The following MCTP1 variants were observed in gnomAD, a reference collection of about 807,000 sequenced individuals.
MCTP1 encodes multiple C2 and transmembrane domain containing 1.
MCTP1 carries 69 observed loss-of-function variants against 120.6 expected under a neutral mutation model. The observed-to-expected ratio is 0.57, with a 90% CI of 0.47 to 0.70. The LOEUF (loss-of-function observed/expected upper bound fraction) is 0.70, where lower values mean the gene tolerates loss of function less well. Among genes scored for constraint, MCTP1 ranks in the 30% least tolerant of loss-of-function variants. The pLI is 0.00. For synonymous variants in MCTP1, 529 were observed against 493.1 expected, an observed-to-expected ratio of 1.07 and a Z score of -0.96; for missense variants, 1,203 against 1,248.8, an observed-to-expected ratio of 0.96 and a Z score of 0.55.
intron 1 of MCTP1, among the ~76,000 whole-genome samples, chr5:95,107,300 GGGGGACATA>G (rs1305377234): frequency 6.6e-6 from 1 of 152,116 alleles, no homozygotes; most frequent in African/African-American, 2.4e-5. Context: ...CGGGTACTCT[GGGGGACATA>G]GTACTGAAAT....
At chr5:94,789,951 C>T (rs552142842) in intron 18 of MCTP1, among the ~76,000 whole-genome samples, 1 of 152,160 alleles carries the variant, frequency 6.6e-6, no homozygotes, top group Admixed American at 6.5e-5. Context: ...TTTTGAGTAA[C>T]TCAGAGCAAA....
intron 2 of MCTP1, among the ~76,000 whole-genome samples, chr5:94,954,133 T>C (rs1243809711): frequency 4.3e-5 from 2 of 46,862 alleles, no homozygotes. Flanking sequence ...CAAATATATA[T>C]ATGCATATAT....
rs766963057 is a variant in MCTP1 at position 94,707,555 on chromosome 5, C to T, written c.2941G>A (p.Glu981Lys). Residue 981 changes from glutamate (E) to lysine (K), a missense_variant, in exon 23 of 23, where the codon GAA becomes AAA. Physicochemically the swap from Glu to Lys is moderately conservative, Grantham distance 56. Transcript: ENST00000515393. ...PSDVQVVQYQ[E>K]LKPDPSHSPY... is the part of the protein sequence containing the mutation. ...CTATGAGAAGGATCTGGTTTCAGTT[C>T]TTGGTATTGCACCTGTTTAAACAGA... 2 of 1,611,440 alleles carry T rather than the reference C, an allele frequency of 1.2e-6. No individual in the cohort carries two copies. The highest frequency in any genetic ancestry group is 1.7e-6 in the Non-Finnish European group (2 of 1,178,260).
intron 1 of MCTP1, among the ~76,000 whole-genome samples, chr5:95,181,966 C>T (rs1748647021): frequency 6.6e-6 from 1 of 152,024 alleles, no homozygotes; most frequent in Admixed American, 6.6e-5. Context: ...TTTATGAAAA[C>T]GGGTCACTGA....
chr5:94,775,928 T>G (rs961794601), intron 19 of MCTP1, among the ~76,000 whole-genome samples: 9 of 147,196 alleles, frequency 6.1e-5, no homozygotes, highest in African/African-American at 1.7e-4. Context: ...ATATATCATA[T>G]AAATATATTA....
At chr5:95,049,997 C>A (rs1222393309) in intron 1 of MCTP1, among the ~76,000 whole-genome samples, 1 of 151,970 alleles carries the variant, frequency 6.6e-6, no homozygotes, top group Non-Finnish European at 1.5e-5. Flanking sequence ...GATTGGTGGG[C>A]AGGTAGGACC....
intron 21 of MCTP1, chr5:94,709,406 T>TAGTC (rs1755940413): frequency 6.6e-6 from 1 of 152,096 alleles, no homozygotes; most frequent in South Asian, 2.1e-4. Flanking sequence ...TTAAGACAGC[T>TAGTC]AGTCAGTGAG....
intron 1 of MCTP1, among the ~76,000 whole-genome samples, chr5:95,039,749 G>A (rs1054566365): frequency 7.2e-5 from 11 of 152,018 alleles, no homozygotes; most frequent in Non-Finnish European, 1.0e-4. Flanking sequence ...AAAAGTTGAC[G>A]TAGGAGCTAA....
chr5:95,065,578 A>C (rs985872191), intron 1 of MCTP1, among the ~76,000 whole-genome samples: 6 of 152,212 alleles, frequency 3.9e-5, no homozygotes, highest in Admixed American at 3.3e-4. Context: ...TTTTAAGAAA[A>C]TCTAGCAAGG....
intron 4 of MCTP1, among the ~76,000 whole-genome samples, chr5:94,940,520 A>T (rs1817337886): frequency 6.8e-6 from 1 of 147,952 alleles, no homozygotes; most frequent in South Asian, 2.1e-4. Flanking sequence ...CGCCATACAT[A>T]TACACAAGTG....
At chr5:94,999,939 A>G (rs1833345038) in intron 2 of MCTP1, among the ~76,000 whole-genome samples, 1 of 152,180 alleles carries the variant, frequency 6.6e-6, no homozygotes, top group Non-Finnish European at 1.5e-5. Flanking sequence ...AAGTGTGAAG[A>G]CCATATACAA....
intron 18 of MCTP1, among the ~76,000 whole-genome samples, chr5:94,784,243 AAC>A (rs1777155867): frequency 6.6e-6 from 1 of 152,048 alleles, no homozygotes. Context: ...AGTATTCTTC[AAC>A]ACAGTCTGGA....
chr5:95,182,584 TA>T (rs929295129), intron 1 of MCTP1, among the ~76,000 whole-genome samples: 2 of 152,244 alleles, frequency 1.3e-5, no homozygotes, highest in African/African-American at 4.8e-5. Context: ...TATGGAACAA[TA>T]GTAATATTTT....
rs374028450 is a variant in MCTP1 at position 95,090,465 on chromosome 5, C to T, written c.721-72981G>A. Among the ~76,000 whole-genome samples, 4 of 152,236 alleles carry T rather than the reference C, an allele frequency of 2.6e-5. No homozygotes were observed. The East Asian group carries it at 5.8e-4, about 22-fold the overall frequency. On this transcript the variant is annotated intron_variant, in intron 1 of 22. Transcript: ENST00000515393. The stretch of plus-strand genomic sequence containing the variant: ...CTGCTGCTCCAGAGGAATCAGTCCT[C>T]GGTCCTTGGCTTTTTTTGCTAGAGA...
intron 1 of MCTP1, among the ~76,000 whole-genome samples, chr5:95,108,929 A>C (rs987984601): frequency 2.0e-5 from 3 of 152,212 alleles, no homozygotes; most frequent in Admixed American, 6.5e-5. Flanking sequence ...TATATTTTTT[A>C]ATTAAAATAA....
At chr5:95,004,876 T>C (rs1333951280) in intron 2 of MCTP1, among the ~76,000 whole-genome samples, 3 of 152,120 alleles carry the variant, frequency 2.0e-5, no homozygotes, top group South Asian at 2.1e-4. Context: ...AGAGTCCCCA[T>C]TGGGGCACTG....
chr5:94,835,626 C>G (rs1043222326), intron 17 of MCTP1, among the ~76,000 whole-genome samples: 1 of 152,186 alleles, frequency 6.6e-6, no homozygotes, highest in African/African-American at 2.4e-5. Flanking sequence ...AGTGCTATAT[C>G]CCCATGACTT....
intron 17 of MCTP1, among the ~76,000 whole-genome samples, chr5:94,862,501 A>T (rs561900643): frequency 1.3e-5 from 2 of 151,944 alleles, no homozygotes; most frequent in East Asian, 3.9e-4. Flanking sequence ...AAATAACTTC[A>T]CAATTAAATA....
chr5:95,068,729 C>A, intron 1 of MCTP1: 1 of 1,077,840 alleles, frequency 9.3e-7, no homozygotes, highest in East Asian at 6.6e-5. Context: ...AGCTTTTATG[C>A]CTAATTAAAC....
Sources: gnomAD v4.1 joint callset for allele counts (sites outside exome capture counted in the v4.1 genomes callset) on GRCh38, gnomAD v4.1.1 for gene constraint, MANE v1.5 for transcripts, NCBI Gene and HGNC (gene_info 2026-07-23, HGNC 2026-07-21) for gene names.